ARHGAP32: variants seen among roughly 807,000 people sequenced by gnomAD.
ARHGAP32 encodes the protein rho GTPase-activating protein 32.
A neutral mutation model predicts 186.5 loss-of-function variants in ARHGAP32; 51 were observed. That is an observed-to-expected ratio of 0.27 (90% CI 0.22 to 0.35). The LOEUF (loss-of-function observed/expected upper bound fraction) is 0.35. Ranked by LOEUF, ARHGAP32 falls within the 10% of genes least tolerant of loss-of-function variation. The pLI is 1.00. For synonymous variants in ARHGAP32, 950 were observed against 964.3 expected, an observed-to-expected ratio of 0.99 and a Z score of 0.27; for missense variants, 2,186 against 2,623.5, an observed-to-expected ratio of 0.83 and a Z score of 3.64.
At chr11:129,193,604 ATATATAATATATGT>A (rs1443546655), upstream of ARHGAP32, among the ~76,000 whole-genome samples, 2 of 74,428 alleles carry the variant, frequency 2.7e-5, no homozygotes, top group African/African-American at 1.1e-4. Flanking sequence ...GTTATATATA[ATATATAATATATGT>A]TATATAATAT....
chr11:129,200,318 C>T (rs2135574279), intron 1 of ARHGAP32, among the ~76,000 whole-genome samples: 2 of 152,180 alleles, frequency 1.3e-5, no homozygotes, highest in Middle Eastern at 6.8e-3. Flanking sequence ...GGCTGTGTCC[C>T]CACCCAAATC....
intron 11 of ARHGAP32, among the ~76,000 whole-genome samples, chr11:129,015,607 A>ACTGTAACG (rs1322285902): frequency 1.3e-5 from 2 of 152,180 alleles, no homozygotes; most frequent in East Asian, 1.9e-4. Flanking sequence ...GTAACGACAT[A>ACTGTAACG]CTGTAACGAC....
At chr11:129,117,120 T>A (rs1421654634) in intron 5 of ARHGAP32, among the ~76,000 whole-genome samples, 2 of 152,062 alleles carry the variant, frequency 1.3e-5, no homozygotes, top group African/African-American at 2.4e-5. Context: ...CATCATTTAC[T>A]CCTTTTTGTT....
intron 2 of ARHGAP32, among the ~76,000 whole-genome samples, chr11:129,154,639 C>G (rs1943361244): frequency 6.6e-6 from 1 of 152,016 alleles, no homozygotes; most frequent in South Asian, 2.1e-4. Flanking sequence ...AATGGAAAAC[C>G]AAATACCGTT....
intron 1 of ARHGAP32, among the ~76,000 whole-genome samples, chr11:129,184,232 C>T (rs920330701): frequency 2.6e-5 from 4 of 152,154 alleles, no homozygotes; most frequent in African/African-American, 9.6e-5. Flanking sequence ...GCACCTAAGA[C>T]AAGCAAGGCA....
intron 12 of ARHGAP32, chr11:128,993,139 A>G (rs896031516): frequency 6.6e-6 from 1 of 152,236 alleles, no homozygotes; most frequent in Non-Finnish European, 1.5e-5. Flanking sequence ...GAAGTTTAGA[A>G]AGTATAATAA....
chr11:129,202,895 A>T (rs754982012), intron 1 of ARHGAP32: 4 of 152,180 alleles, frequency 2.6e-5, no homozygotes, highest in Non-Finnish European at 5.9e-5. Context: ...AAGGGGGGGA[A>T]AATAAAAAAA....
intron 9 of ARHGAP32, 50 bp downstream of exon 9, chr11:129,063,852 C>T (rs755572201): frequency 6.4e-7 from 1 of 1,558,210 alleles, no homozygotes; most frequent in South Asian, 1.2e-5. Flanking sequence ...AAAGATGAGG[C>T]CAGAAAGTTA....
At chr11:128,994,754 C>T (rs1018521062) in intron 12 of ARHGAP32, among the ~76,000 whole-genome samples, 5 of 152,126 alleles carry the variant, frequency 3.3e-5, no homozygotes, top group Non-Finnish European at 7.4e-5. Flanking sequence ...TCAAAGGTTT[C>T]CCTTCTCCTG....
At chr11:129,059,012 T>C (rs1274761986) in intron 10 of ARHGAP32, among the ~76,000 whole-genome samples, 1 of 152,240 alleles carries the variant, frequency 6.6e-6, no homozygotes. Context: ...TTCCCACCAG[T>C]AAACATGTAT....
At chr11:128,992,572 T>C (rs1192371461) in intron 12 of ARHGAP32, among the ~76,000 whole-genome samples, 4 of 150,922 alleles carry the variant, frequency 2.7e-5, no homozygotes, top group Non-Finnish European at 4.4e-5. Flanking sequence ...AGGTCAGGAG[T>C]TCAAGACCAG....
At chr11:129,024,067 C>G in intron 11 of ARHGAP32, 6 of 985,472 alleles carry the variant, frequency 6.1e-6, no homozygotes, top group Non-Finnish European at 7.2e-6. Context: ...GTTTTCAGGA[C>G]CCCCTGCAGC....
At chr11:129,278,383 C>G (rs1945560405) in intron 1 of ARHGAP32, among the ~76,000 whole-genome samples, 1 of 152,188 alleles carries the variant, frequency 6.6e-6, no homozygotes, top group Non-Finnish European at 1.5e-5. Context: ...TGGGTCTCCT[C>G]CTTCCTTCCA....
rs574539536 is a variant in ARHGAP32 at position 129,198,876 on chromosome 11, TC to T, written c.-4-34450del. Among the ~76,000 whole-genome samples the T allele has an allele frequency of 2.7e-4, 41 of 152,300 alleles. 1 individual carries two copies. Among genetic ancestry groups the T allele is most frequent in the Admixed American group, 1.5e-3 (23 of 15,308 alleles). On this transcript the variant is annotated intron_variant, in intron 1 of 6. Transcript: ENST00000525234. ...GAAAAATGTGGGAAAGTTTGGAACT[TC>T]CTAGAGACTTGTTGAATGGCTTTGA... is the stretch of plus-strand genomic sequence containing the variant.
intron 1 of ARHGAP32, among the ~76,000 whole-genome samples, chr11:129,210,891 G>A (rs532859561): frequency 2.6e-5 from 4 of 152,168 alleles, no homozygotes; most frequent in East Asian, 1.9e-4. Context: ...AGCTTAACAC[G>A]AAGTTCACTG....
intron 7 of ARHGAP32, among the ~76,000 whole-genome samples, chr11:129,065,557 A>T (rs542284487): frequency 6.6e-6 from 1 of 152,270 alleles, no homozygotes; most frequent in African/African-American, 2.4e-5. Context: ...CAGAAAAAAA[A>T]TGAAATGAAG....
intron 5 of ARHGAP32, among the ~76,000 whole-genome samples, chr11:129,109,430 A>G (rs990883185): frequency 2.6e-5 from 4 of 152,100 alleles, no homozygotes; most frequent in African/African-American, 9.7e-5. Flanking sequence ...TTTCCTTTAG[A>G]TACATATGCA....
Position 129,062,260 on chromosome 11 carries a change from C to A in ARHGAP32, c.963+20G>T, listed in dbSNP as rs1297669819. 1 of 1,610,006 alleles carries A rather than the reference C, an allele frequency of 6.2e-7. No homozygotes were observed. Reference sequence around the variant, plus strand: ...AAACTTTCCTTTGAATTTTCCCACACCTAATTTGCTGCTGCCTACCTGGAA... The same window carrying A: ...AAACTTTCCTTTGAATTTTCCCACAACTAATTTGCTGCTGCCTACCTGGAA... On this transcript the variant is annotated intron_variant, in intron 10 of 22. Coordinates refer to ENST00000682385, the MANE Select transcript of ARHGAP32 (RefSeq NM_001378024.1).
chr11:129,063,735 T>A (rs1020546007), intron 9 of ARHGAP32, among the ~76,000 whole-genome samples, 167 bp downstream of exon 9: 1 of 152,010 alleles, frequency 6.6e-6, no homozygotes, highest in African/African-American at 2.4e-5. Flanking sequence ...ATGAGTACTG[T>A]CACTTAAACA....
Sources: gnomAD v4.1 joint callset for allele counts (sites outside exome capture counted in the v4.1 genomes callset) on GRCh38, gnomAD v4.1.1 for gene constraint, MANE v1.5 for transcripts, NCBI Gene and HGNC (gene_info 2026-07-23, HGNC 2026-07-21) for gene names.